Variants in IL17RA observed in about 807,000 individuals in gnomAD.
IL17RA encodes interleukin-17 receptor A.
IL17RA carries 34 observed loss-of-function variants against 50.4 expected under a neutral mutation model. The ratio of observed to expected loss-of-function variants is 0.67; its 90% CI spans 0.51 to 0.90. The LOEUF is 0.90. Among genes scored for constraint, IL17RA ranks in the 40% least tolerant of loss-of-function variants. IL17RA has a pLI of 0.00. For synonymous variants in IL17RA, 585 were observed against 510.4 expected (o/e 1.15, Z -1.97); for missense variants, 1,276 against 1,169.8 (o/e 1.09, Z -1.32).
At chr22:17,103,100 C>T (rs2061397636) in intron 7 of IL17RA, among the ~76,000 whole-genome samples, 1 of 152,140 alleles carries the variant, frequency 6.6e-6, no homozygotes. Context: ...TGAGATTGTG[C>T]CACTGCACTC....
rs1330885996 is a variant in IL17RA at position 17,111,837 on chromosome 22, C to A, written c.*2017C>A. 1 of 152,150 alleles carries A rather than the reference C, an allele frequency of 6.6e-6. No individual in the cohort carries two copies. Among genetic ancestry groups the A allele is most frequent in the Admixed American group, 6.5e-5 (1 of 15,278 alleles). The allele number at this position is 152,150 out of a possible 1,614,324, so 9.4% of individuals were successfully genotyped here. A position where few individuals can be genotyped will look rare whatever the true frequency, so the allele number is the denominator to read the frequency against. Reference sequence around the variant, plus strand: ...GAAGGTCGAGCCACTTACTGTAGGTCAAGAAGTTGCTAGTTGCGGAGTTTT... The same window carrying A: ...GAAGGTCGAGCCACTTACTGTAGGTAAAGAAGTTGCTAGTTGCGGAGTTTT... On this transcript the variant is annotated 3_prime_UTR_variant, in exon 13 of 13. Coordinates refer to ENST00000319363, the MANE Select transcript of IL17RA (RefSeq NM_014339.7).
chr22:17,097,107 CT>C (rs770085188), intron 2 of IL17RA, 21 bp downstream of exon 2: 2 of 1,609,628 alleles, frequency 1.2e-6, no homozygotes, highest in South Asian at 2.2e-5. Flanking sequence ...TTTTTCTGTT[CT>C]TCTTCTTGTT....
intron 1 of IL17RA, among the ~76,000 whole-genome samples, chr22:17,094,656 A>ACTCT (rs1207841287): frequency 5.1e-4 from 15 of 29,274 alleles, no homozygotes; most frequent in Non-Finnish European, 7.4e-4. Flanking sequence ...TCATACACAC[A>ACTCT]CTCTCTCTCT....
intron 8 of IL17RA, 144 bp downstream of exon 8, chr22:17,103,721 G>C: frequency 1.4e-6 from 1 of 728,650 alleles, no homozygotes; most frequent in Admixed American, 2.0e-5. Context: ...GTGTGGACGG[G>C]AGTGGGGAGC....
chr22:17,086,794 G>T (rs995834938), intron 1 of IL17RA, among the ~76,000 whole-genome samples: 6 of 152,214 alleles, frequency 3.9e-5, no homozygotes, highest in Admixed American at 2.6e-4. Context: ...CATTCCAGGT[G>T]GTGGAAAGGG....
intron 10 of IL17RA, 115 bp downstream of exon 10, chr22:17,105,717 G>GT (rs775810928): frequency 3.2e-5 from 43 of 1,354,160 alleles, no homozygotes; most frequent in Non-Finnish European, 4.1e-5. Context: ...GGCCAGCCCG[G>GT]GGTGGGGGGT....
At chr22:17,100,263 T>A in intron 4 of IL17RA, 92 bp from the exon 5 acceptor site, 3 of 1,490,570 alleles carry the variant, frequency 2.0e-6, no homozygotes, top group Non-Finnish European at 2.8e-6. Context: ...GGCTGAATAT[T>A]CGGGAGTGGG....
rs1476884977 is a variant in IL17RA at position 17,108,477 on chromosome 22, A to G, written c.1258A>G (p.Ile420Val). 1 of 1,613,466 alleles carries G rather than the reference A, an allele frequency of 6.2e-7. No individual in the cohort carries two copies. Residue 420 changes from isoleucine to valine, a missense_variant, in exon 13 of 13, where the codon ATC becomes GTC. Ile to Val is a conservative substitution (Grantham distance 29). Coordinates refer to ENST00000319363, the MANE Select transcript of IL17RA (RefSeq NM_014339.7). ...VALDLLEEQA[I>V]SEAGVMTWVG... ...CCTGGACCTGCTGGAAGAGCAGGCC[A>G]TCTCGGAGGCAGGAGTCATGACCTG... is the stretch of plus-strand genomic sequence containing the variant.
rs1178018904 is a variant in IL17RA at position 17,115,646 on chromosome 22, A to AGAC, written c.*5827_*5829dup. 3 of 152,058 alleles carry AGAC rather than the reference A, an allele frequency of 2.0e-5. No homozygotes were observed. Among genetic ancestry groups the AGAC allele is most frequent in the African/African-American group, 7.2e-5 (3 of 41,400 alleles). The allele number at this position is 152,058 out of a possible 1,614,324, so 9.4% of individuals were successfully genotyped here. The stretch of plus-strand genomic sequence containing the variant: ...TGGTGCAGGCCCAGTGTTCTTGCTT[A>AGAC]GACTTAATACTACCCTTCATGTTAA... On this transcript the variant is annotated 3_prime_UTR_variant, in exon 13 of 13. Coordinates refer to ENST00000319363, the MANE Select transcript of IL17RA (RefSeq NM_014339.7).
rs1021502235 is a variant in IL17RA at position 17,111,735 on chromosome 22, T to TGCGC, written c.*1916_*1919dup. 3 of 152,200 alleles carry TGCGC rather than the reference T, an allele frequency of 2.0e-5. No individual in the cohort carries two copies. Among genetic ancestry groups the TGCGC allele is most frequent in the African/African-American group, 7.2e-5 (3 of 41,436 alleles). The allele number at this position is 152,200 out of a possible 1,614,324, so 9.4% of individuals were successfully genotyped here. ...AAACAGGACAGTTTGCATGTGTGTG[T>TGCGC]GCGCACACATACATGTGCGTGAAAG... On this transcript the variant is annotated 3_prime_UTR_variant, in exon 13 of 13. Coordinates refer to ENST00000319363, the MANE Select transcript of IL17RA (RefSeq NM_014339.7).
At position 17,109,918 on chromosome 22, in the gene IL17RA, G is replaced by A. The variant is rs2061433783; in HGVS notation, c.*98G>A. On this transcript the variant is annotated 3_prime_UTR_variant, in exon 13 of 13. Transcript: ENST00000319363. ...TACATGTCTGCATGTGTATATGTTC[G>A]TGTGTGAAATGTAGGCTTTAAAATG... is the stretch of plus-strand genomic sequence containing the variant. The A allele has an allele frequency of 5.2e-6, 6 of 1,146,906 alleles. No individual in the cohort carries two copies. Among genetic ancestry groups the A allele is most frequent in the South Asian group, 1.4e-5 (1 of 71,164 alleles). The allele number at this position is 1,146,906 out of a possible 1,614,324, so 71.0% of individuals were successfully genotyped here.
rs2061360235 is a variant in IL17RA, at chr22:17,094,669, C to CTATATATATATATA, written c.139-2392_139-2391insATATATATATATAT. Among the ~76,000 whole-genome samples the CTATATATATATATA allele has an allele frequency of 7.5e-3, 181 of 24,180 alleles. 1 individual carries two copies. The Middle Eastern group carries it at 0.12, about 16-fold the overall frequency. The allele number at this position is 24,180 out of a possible 152,430, so 15.9% of individuals were successfully genotyped here. The stretch of plus-strand genomic sequence containing the variant: ...AGTCATACACACACTCTCTCTCTCT[C>CTATATATATATATA]TCTCTCTCTCTCTCTCTCTCTCTAT... On this transcript the variant is annotated intron_variant, in intron 1 of 12. Transcript: ENST00000319363.
intron 1 of IL17RA, among the ~76,000 whole-genome samples, chr22:17,090,641 A>G (rs1477430874): frequency 6.6e-6 from 1 of 152,180 alleles, no homozygotes; most frequent in Non-Finnish European, 1.5e-5. Flanking sequence ...TTAATTTTAG[A>G]TATTATCTAT....
chr22:17,090,795 T>C (rs2061345282), intron 1 of IL17RA, among the ~76,000 whole-genome samples: 1 of 152,156 alleles, frequency 6.6e-6, no homozygotes, highest in African/African-American at 2.4e-5. Flanking sequence ...GGCAAGTAAG[T>C]GTACTTTGAT....
Position 17,094,691 on chromosome 22 carries a change from CTA to C in IL17RA, c.139-2345_139-2344del, listed in dbSNP as rs1188416715. Among the ~76,000 whole-genome samples, 168 of 24,694 alleles carry C rather than the reference CTA, an allele frequency of 6.8e-3. 5 individuals are homozygous for C. The highest frequency in any genetic ancestry group is 0.062 in the East Asian group (61 of 976). 16.2% of individuals were successfully genotyped at this position (24,694 alleles called of 152,430 possible). On this transcript the variant is annotated intron_variant, in intron 1 of 12. Coordinates refer to ENST00000319363, the MANE Select transcript of IL17RA (RefSeq NM_014339.7). The stretch of plus-strand genomic sequence containing the variant: ...TCTCTCTCTCTCTCTCTCTCTCTCT[CTA>C]TATATATATATATATATATATATAT...
chr22:17,095,662 T>A (rs2061365889), intron 1 of IL17RA, among the ~76,000 whole-genome samples: 1 of 152,200 alleles, frequency 6.6e-6, no homozygotes, highest in South Asian at 2.1e-4. Flanking sequence ...TCAGGGGAGT[T>A]AATCTTCTCG....
chr22:17,105,076 G>A (rs777463282), intron 9 of IL17RA, among the ~76,000 whole-genome samples: 10 of 152,204 alleles, frequency 6.6e-5, no homozygotes, highest in Admixed American at 1.3e-4. Context: ...TGGAAAATGA[G>A]GTGGTTTTTA....
In IL17RA at chr22:17,108,499, C is replaced by G. The variant is rs1161646034; in HGVS notation, c.1280C>G (p.Thr427Ser). Residue 427 changes from threonine to serine, a missense_variant, in exon 13 of 13, where the codon ACC becomes AGC. Transcript: ENST00000319363. ...EQAISEAGVM[T>S]WVGRQKQEMV... Reference sequence around the variant, plus strand: ...GCCATCTCGGAGGCAGGAGTCATGACCTGGGTGGGCCGTCAGAAGCAGGAG... The same window carrying G: ...GCCATCTCGGAGGCAGGAGTCATGAGCTGGGTGGGCCGTCAGAAGCAGGAG... The G allele has an allele frequency of 6.2e-7, 1 of 1,612,878 alleles. No individual in the cohort carries two copies. The highest frequency in any genetic ancestry group is 8.5e-7 in the Non-Finnish European group (1 of 1,180,026).
At chr22:17,086,226 C>A (rs774304679) in intron 1 of IL17RA, among the ~76,000 whole-genome samples, 10 of 151,488 alleles carry the variant, frequency 6.6e-5, no homozygotes, top group Non-Finnish European at 1.2e-4. Flanking sequence ...TCCTCCCCTC[C>A]ACCTCCACCT....
Sources: gnomAD v4.1 joint callset for allele counts (sites outside exome capture counted in the v4.1 genomes callset) on GRCh38, gnomAD v4.1.1 for gene constraint, MANE v1.5 for transcripts, NCBI Gene and HGNC (gene_info 2026-07-23, HGNC 2026-07-21) for gene names.